The following RASSF6 variants were observed in gnomAD, a reference collection of about 807,000 sequenced individuals.
RASSF6 encodes Ras association domain family member 6, also known as ras association domain-containing protein 6.
Under a neutral mutation model 44.0 loss-of-function variants are expected in RASSF6, and 52 were observed. That is an observed-to-expected ratio of 1.18 (90% CI 0.95 to 1.49). The LOEUF (loss-of-function observed/expected upper bound fraction) is 1.49. RASSF6 is among the 40% of genes most tolerant of loss of function. The probability of loss-of-function intolerance (pLI) is 0.00; values close to 1 mark genes in which losing one functional copy is unlikely to be tolerated. For missense variants in RASSF6, 464 were observed against 393.3 expected, an observed-to-expected ratio of 1.18 and a Z score of -1.52; for synonymous variants, 162 against 124.6, an observed-to-expected ratio of 1.30 and a Z score of -2.00.
intron 6 of RASSF6, 83 bp from the exon 7 acceptor site, chr4:73,582,373 G>T (rs1723732084): frequency 3.4e-6 from 2 of 585,554 alleles, no homozygotes; most frequent in South Asian, 3.9e-5. Context: ...CTTCTTATAG[G>T]GCAAAAAAAA....
chr4:73,582,268 A>C lies in RASSF6; in HGVS notation c.590T>G (p.Phe197Cys). 6.3e-7 allele frequency: 1 copy of C among 1,589,306 alleles called. No homozygotes were observed. Among genetic ancestry groups the C allele is most frequent in the Non-Finnish European group, 8.6e-7 (1 of 1,163,196 alleles). Residue 197 changes from phenylalanine (F) to cysteine (C), a missense_variant, in exon 7 of 11, where the codon TTT becomes TGT. By Grantham distance (205) the Phe-to-Cys change is radical (BLOSUM62 -2). Coordinates refer to ENST00000307439, the MANE Select transcript of RASSF6 (RefSeq NM_177532.5). ...TACTCTGACCTTAGTTTCTGATTCA[A>C]AGGCTGGAATGAAAATTGATGTCTA... ...NHETSIFIPA[F>C]ESETKVRVNS...
intron 5 of RASSF6, among the ~76,000 whole-genome samples, chr4:73,586,704 A>G (rs1724121389): frequency 6.6e-6 from 1 of 151,898 alleles, no homozygotes. Context: ...ATACAAATAT[A>G]TTTTTATGAT....
Position 73,572,975 on chromosome 4 carries a change from A to G in RASSF6, c.*3260T>C, listed in dbSNP as rs1161820831. ...TATATATACACACACATACATATAT[A>G]ATATATATGCCTTAAGTACATAATA... On this transcript the variant is annotated 3_prime_UTR_variant, in exon 11 of 11. Transcript: ENST00000307439. The G allele has an allele frequency of 6.6e-6, 1 of 152,052 alleles. No homozygotes were observed. Among genetic ancestry groups the G allele is most frequent in the African/African-American group, 2.4e-5 (1 of 41,402 alleles). 9.4% of individuals were successfully genotyped at this position (152,052 alleles called of 1,614,324 possible). A position where few individuals can be genotyped will look rare whatever the true frequency, so the allele number is the denominator to read the frequency against.
intron 1 of RASSF6, among the ~76,000 whole-genome samples, chr4:73,612,437 A>T (rs866458372): frequency 6.6e-6 from 1 of 151,622 alleles, no homozygotes; most frequent in African/African-American, 2.4e-5. Flanking sequence ...ATTTTAGGGG[A>T]TAGAGCCAGA....
At chr4:73,615,387 C>A (rs1042931897) in intron 1 of RASSF6, among the ~76,000 whole-genome samples, 8 of 151,808 alleles carry the variant, frequency 5.3e-5, no homozygotes, top group African/African-American at 1.5e-4. Flanking sequence ...CAAATTTTCT[C>A]AAGGACTTAA....
intron 3 of RASSF6, among the ~76,000 whole-genome samples, chr4:73,595,705 T>C (rs1024638081): frequency 2.2e-5 from 3 of 136,862 alleles, no homozygotes; most frequent in Non-Finnish European, 4.8e-5. Flanking sequence ...ATTTTTATAA[T>C]TGTATATATT....
intron 4 of RASSF6, among the ~76,000 whole-genome samples, chr4:73,588,177 A>G (rs1169920230): frequency 6.6e-6 from 1 of 152,084 alleles, no homozygotes; most frequent in East Asian, 1.9e-4. Flanking sequence ...ATTCAGTTAC[A>G]TACTGAAACA....
intron 6 of RASSF6, among the ~76,000 whole-genome samples, chr4:73,583,829 T>C (rs1394788882): frequency 6.6e-6 from 1 of 152,130 alleles, no homozygotes; most frequent in Non-Finnish European, 1.5e-5. Flanking sequence ...AACAGCCTTG[T>C]AAAGTAAGAA....
chr4:73,616,308 C>T (rs1726363291), intron 1 of RASSF6, among the ~76,000 whole-genome samples: 1 of 151,894 alleles, frequency 6.6e-6, no homozygotes, highest in Non-Finnish European at 1.5e-5. Flanking sequence ...TATTTCCCAG[C>T]CAAAGACAAT....
intron 1 of RASSF6, among the ~76,000 whole-genome samples, chr4:73,619,670 A>T (rs1726572720): frequency 6.6e-6 from 1 of 152,200 alleles, no homozygotes; most frequent in Admixed American, 6.5e-5. Flanking sequence ...TAAGTGGCAA[A>T]GCCGAGCTTT....
chr4:73,602,569 A>G (rs1318026430), intron 2 of RASSF6, among the ~76,000 whole-genome samples: 1 of 111,556 alleles, frequency 9.0e-6, no homozygotes, highest in East Asian at 2.7e-4. Context: ...GGTAATTTTA[A>G]CAGATTTTTT....
At chr4:73,606,496 C>A (rs533937387) in intron 2 of RASSF6, among the ~76,000 whole-genome samples, 1 of 152,186 alleles carries the variant, frequency 6.6e-6, no homozygotes, top group East Asian at 1.9e-4. Context: ...TGGGTTCATC[C>A]GTACTCCAAA....
chr4:73,603,399 T>C (rs1226978247), intron 2 of RASSF6, among the ~76,000 whole-genome samples: 1 of 151,978 alleles, frequency 6.6e-6, no homozygotes, highest in Non-Finnish European at 1.5e-5. Context: ...AGAATCCTGG[T>C]ATAAGCCGAT....
chr4:73,581,959 T>C (rs1723685991), intron 7 of RASSF6, 91 bp from the exon 8 acceptor site: 1 of 961,614 alleles, frequency 1.0e-6, no homozygotes, highest in African/African-American at 1.7e-5. Flanking sequence ...CTGTTTTCTC[T>C]CTTCCATTTT....
intron 2 of RASSF6, chr4:73,603,930 C>G (rs1035131596): frequency 3.9e-5 from 6 of 152,184 alleles, no homozygotes; most frequent in Non-Finnish European, 8.8e-5. Context: ...GCAAAGAACC[C>G]TGTCCTAGTC....
chr4:73,607,926 C>G (rs1478910934), intron 2 of RASSF6, among the ~76,000 whole-genome samples: 1 of 82,828 alleles, frequency 1.2e-5, no homozygotes, highest in Non-Finnish European at 2.4e-5. Flanking sequence ...TTCTTCCTCT[C>G]CCCTTCTCTC....
chr4:73,571,989 G>A lies in RASSF6; in HGVS notation c.*4246C>T, dbSNP rs778586678. ...GTAACAAATTGCCCCAAATTTAGCG[G>A]CGTACTACAACAAACACTTCTTATC... is the stretch of plus-strand genomic sequence containing the variant. On this transcript the variant is annotated 3_prime_UTR_variant, in exon 11 of 11. Transcript: ENST00000307439. 20 of 152,102 alleles carry A rather than the reference G, an allele frequency of 1.3e-4. No individual in the cohort carries two copies. The highest frequency in any genetic ancestry group is 2.6e-4 in the Non-Finnish European group (18 of 68,036). 9.4% of individuals were successfully genotyped at this position (152,102 alleles called of 1,614,324 possible).
At chr4:73,612,542 T>C (rs1281618645) in intron 1 of RASSF6, among the ~76,000 whole-genome samples, 1 of 151,272 alleles carries the variant, frequency 6.6e-6, no homozygotes, top group Non-Finnish European at 1.5e-5. Flanking sequence ...CTCCTTTTCC[T>C]TTCAAATCTG....
chr4:73,597,974 A>G (rs986600489), intron 3 of RASSF6, among the ~76,000 whole-genome samples: 1 of 152,162 alleles, frequency 6.6e-6, no homozygotes, highest in African/African-American at 2.4e-5. Flanking sequence ...AGAGGGTGGA[A>G]TTTGGGAGGA....
Sources: allele counts gnomAD v4.1 joint callset (sites outside exome capture counted in the v4.1 genomes callset), GRCh38; gene constraint gnomAD v4.1.1; transcripts MANE v1.5; gene names NCBI Gene and HGNC (gene_info 2026-07-23, HGNC 2026-07-21).